Variants in NR5A2 observed in about 807,000 individuals in gnomAD.
NR5A2 encodes nuclear receptor subfamily 5 group A member 2, also known as CYP7A promoter-binding factor.
Under a neutral mutation model 62.7 loss-of-function variants are expected in NR5A2, and 26 were observed. The ratio of observed to expected loss-of-function variants is 0.41; its 90% confidence interval spans 0.30 to 0.58. The LOEUF (loss-of-function observed/expected upper bound fraction) is 0.58, where lower values mean the gene tolerates loss of function less well. Ranked by LOEUF, NR5A2 falls within the 20% of genes least tolerant of loss-of-function variation. The probability of loss-of-function intolerance (pLI) is 0.22; values close to 1 mark genes in which losing one functional copy is unlikely to be tolerated. For missense variants in NR5A2, 541 were observed against 669.1 expected, an observed-to-expected ratio of 0.81 and a Z score of 2.11; for synonymous variants, 246 against 241.7, an observed-to-expected ratio of 1.02 and a Z score of -0.16.
chr1:200,173,085 T>A (rs1558183336), intron 7 of NR5A2, among the ~76,000 whole-genome samples: 1 of 152,234 alleles, frequency 6.6e-6, no homozygotes, highest in Non-Finnish European at 1.5e-5. Flanking sequence ...TGTGTTTGTA[T>A]GTCAGTCTGT....
Position 200,154,625 on chromosome 1 carries a change from A to G in NR5A2, c.1379-19338A>G, listed in dbSNP as rs145002209. 2.7e-3 allele frequency among the ~76,000 whole-genome samples: 406 copies of G among 152,366 alleles called. 1 individual carries two copies. Among genetic ancestry groups the G allele is most frequent in the Non-Finnish European group, 4.3e-3 (295 of 68,022 alleles). ...CCCCAGCTACTGCAGAGGCTGAGGC[A>G]GGAGGAACACACAAGGCCAAGAGTT... On this transcript the variant is annotated intron_variant, in intron 7 of 7. Transcript: ENST00000367362.
chr1:200,159,223 T>A (rs1653525970), intron 7 of NR5A2, among the ~76,000 whole-genome samples: 1 of 152,188 alleles, frequency 6.6e-6, no homozygotes, highest in Non-Finnish European at 1.5e-5. Context: ...AAATCATGAA[T>A]ACTTGTTCTT....
At chr1:200,134,378 T>A (rs1458888395) in intron 7 of NR5A2, among the ~76,000 whole-genome samples, 2 of 152,152 alleles carry the variant, frequency 1.3e-5, no homozygotes, top group African/African-American at 4.8e-5. Context: ...GTGCTATTTT[T>A]TATCTCATAG....
chr1:200,115,776 T>C (rs1669922164), intron 6 of NR5A2, among the ~76,000 whole-genome samples: 1 of 152,006 alleles, frequency 6.6e-6, no homozygotes, highest in Non-Finnish European at 1.5e-5. Flanking sequence ...GAGAATAAGA[T>C]GGGTGTTCTA....
At chr1:200,156,606 C>T (rs1473324122) in intron 7 of NR5A2, among the ~76,000 whole-genome samples, 1 of 152,102 alleles carries the variant, frequency 6.6e-6, no homozygotes, top group Non-Finnish European at 1.5e-5. Flanking sequence ...ACCATCTTGA[C>T]CAGGCTGGTC....
Position 200,147,456 on chromosome 1 carries a change from A to C in NR5A2, c.1378+26501A>C, listed in dbSNP as rs1371062492. 3.9e-5 allele frequency: 22 copies of C among 565,680 alleles called. No individual in the cohort carries two copies. The highest frequency in any genetic ancestry group is 2.3e-4 in the South Asian group (16 of 68,100). 35.0% of individuals were successfully genotyped at this position (565,680 alleles called of 1,614,324 possible). A position where few individuals can be genotyped will look rare whatever the true frequency, so the allele number is the denominator to read the frequency against. ...TTTATGGGGCTGCCTCCTCCAGTACACGGAGAGCTCTTTGAGGCAAGGGAC... is the reference window on the plus strand; with the variant it reads ...TTTATGGGGCTGCCTCCTCCAGTACCCGGAGAGCTCTTTGAGGCAAGGGAC... On this transcript the variant is annotated intron_variant, in intron 7 of 7. Transcript: ENST00000367362. This position sits in a 1 kb window ranked among gnomAD's most constrained non-coding sequence, Gnocchi z 4.9.
intron 5 of NR5A2, among the ~76,000 whole-genome samples, chr1:200,052,313 T>C (rs1228467546): frequency 1.3e-5 from 2 of 152,194 alleles, no homozygotes; most frequent in Non-Finnish European, 2.9e-5. Flanking sequence ...TTTTAAAATA[T>C]CATTTGGGAA....
At chr1:200,074,565 G>A (rs1176391202) in intron 5 of NR5A2, among the ~76,000 whole-genome samples, 10 of 151,264 alleles carry the variant, frequency 6.6e-5, no homozygotes, top group African/African-American at 2.2e-4. Flanking sequence ...GTGAAACTCC[G>A]TCTCTACTAA....
At chr1:200,097,126 G>A (rs535366283) in intron 5 of NR5A2, among the ~76,000 whole-genome samples, 53 of 152,160 alleles carry the variant, frequency 3.5e-4, no homozygotes, top group Non-Finnish European at 7.2e-4. Context: ...AAATGTAAAC[G>A]ATTTCTTTCT....
At chr1:200,082,227 C>A (rs1664329385) in intron 5 of NR5A2, among the ~76,000 whole-genome samples, 1 of 151,666 alleles carries the variant, frequency 6.6e-6, no homozygotes, top group South Asian at 2.1e-4. Context: ...GAAAAAATCT[C>A]CTGATTAGGG....
chr1:200,059,794 G>T lies in NR5A2; in HGVS notation c.1110+10976G>T, dbSNP rs531442159. On this transcript the variant is annotated intron_variant, in intron 5 of 7. Transcript: ENST00000367362. The stretch of plus-strand genomic sequence containing the variant: ...TTTTGCTCTGACCTATTCTTCTGCA[G>T]CTTGGGAAGTAGATCATACAAATCT... Among the ~76,000 whole-genome samples, 3 of 152,142 alleles carry T rather than the reference G, an allele frequency of 2.0e-5. No homozygotes were observed. The East Asian group carries it at 5.8e-4, about 29-fold the overall frequency.
chr1:200,130,394 G>A (rs898435560), intron 7 of NR5A2, among the ~76,000 whole-genome samples: 2 of 152,048 alleles, frequency 1.3e-5, no homozygotes, highest in African/African-American at 4.8e-5. Flanking sequence ...CAAGATGAAC[G>A]ATTCATTCAC....
At chr1:200,121,095 A>C in intron 7 of NR5A2, 140 bp downstream of exon 7, 1 of 853,704 alleles carries the variant, frequency 1.2e-6, no homozygotes, top group East Asian at 2.6e-5. Context: ...TTCAAACGTG[A>C]ATATATTTTC....
At chr1:200,139,054 C>T (rs1407678830) in intron 7 of NR5A2, among the ~76,000 whole-genome samples, 2 of 152,122 alleles carry the variant, frequency 1.3e-5, no homozygotes, top group Non-Finnish European at 2.9e-5. Context: ...TTCATCTTTC[C>T]TTTAGTCAGG....
intron 7 of NR5A2, among the ~76,000 whole-genome samples, chr1:200,133,764 C>A (rs890419640): frequency 2.0e-5 from 3 of 151,614 alleles, no homozygotes; most frequent in Admixed American, 2.0e-4. Context: ...ATTCTTTATA[C>A]CTATGTATAT....
intron 5 of NR5A2, among the ~76,000 whole-genome samples, chr1:200,082,438 A>T (rs1215947619): frequency 2.0e-5 from 3 of 152,214 alleles, no homozygotes; most frequent in Non-Finnish European, 4.4e-5. Flanking sequence ...GTGTCTTTGT[A>T]CAGAGTACTT....
In NR5A2 at chr1:200,149,920, G is replaced by A. The variant is rs116407416; in HGVS notation, c.1379-24043G>A. 5.0e-3 allele frequency among the ~76,000 whole-genome samples: 766 copies of A among 152,212 alleles called. 8 individuals are homozygous for A. Among genetic ancestry groups the A allele is most frequent in the African/African-American group, 0.017 (726 of 41,536 alleles). ...GAAGATATTTGCTTGAATCCCCTATGGCATTTTGTAGTTACCTCCATGCAG... is the reference window on the plus strand; with the variant it reads ...GAAGATATTTGCTTGAATCCCCTATAGCATTTTGTAGTTACCTCCATGCAG... On this transcript the variant is annotated intron_variant, in intron 7 of 7. Coordinates refer to ENST00000367362, the MANE Select transcript of NR5A2 (RefSeq NM_205860.3).
At chr1:200,089,181 C>G (rs1359546246) in intron 5 of NR5A2, among the ~76,000 whole-genome samples, 1 of 152,164 alleles carries the variant, frequency 6.6e-6, no homozygotes, top group African/African-American at 2.4e-5. Flanking sequence ...CAATAAGCCT[C>G]ATTTAGTTCT....
chr1:200,142,185 CTTCTTTTTT>C (rs1276902171), intron 7 of NR5A2, among the ~76,000 whole-genome samples: 8 of 86,618 alleles, frequency 9.2e-5, no homozygotes, highest in African/African-American at 2.8e-4. Flanking sequence ...GTTTTAAAGA[CTTCTTTTTT>C]TTTTTTTTTT....
Sources: allele counts gnomAD v4.1 joint callset (sites outside exome capture counted in the v4.1 genomes callset), GRCh38; gene constraint gnomAD v4.1.1; non-coding constraint Gnocchi (gnomAD v3.1); transcripts MANE v1.5; gene names NCBI Gene and HGNC (gene_info 2026-07-23, HGNC 2026-07-21).